TULP3: variants seen among roughly 807,000 people sequenced by gnomAD.
TULP3 encodes the protein tubby-related protein 3.
Under a neutral mutation model 50.7 loss-of-function variants are expected in TULP3, and 38 were observed. That is an observed-to-expected ratio of 0.75 (90% CI 0.58 to 0.98). The LOEUF (loss-of-function observed/expected upper bound fraction) is 0.98, where lower values mean the gene tolerates loss of function less well. Among genes scored for constraint, TULP3 ranks in the 50% least tolerant of loss-of-function variants. The probability of loss-of-function intolerance (pLI) is 0.00; values close to 1 mark genes in which losing one functional copy is unlikely to be tolerated. For missense variants in TULP3, 550 were observed against 568.0 expected (o/e 0.97, Z 0.32); for synonymous variants, 183 against 196.6 (o/e 0.93, Z 0.58).
At chr12:2,902,692 G>T (rs2098179918) in intron 1 of TULP3, among the ~76,000 whole-genome samples, 1 of 152,182 alleles carries the variant, frequency 6.6e-6, no homozygotes, top group Admixed American at 6.5e-5. Flanking sequence ...GTACTTGGCA[G>T]TGTGGTCTGT....
intron 2 of TULP3, among the ~76,000 whole-genome samples, chr12:2,914,599 A>G (rs1413323767): frequency 6.6e-6 from 1 of 152,166 alleles, no homozygotes; most frequent in Non-Finnish European, 1.5e-5. Flanking sequence ...CCTGTTGAGT[A>G]TATCTTGCTT....
intron 2 of TULP3, among the ~76,000 whole-genome samples, chr12:2,916,153 G>A (rs1012254181): frequency 1.3e-5 from 2 of 152,132 alleles, no homozygotes; most frequent in Non-Finnish European, 2.9e-5. Flanking sequence ...GGATTTACAG[G>A]CTTGTGCCAC....
chr12:2,895,280 T>C (rs2098174842), intron 1 of TULP3, among the ~76,000 whole-genome samples: 1 of 152,172 alleles, frequency 6.6e-6, no homozygotes, highest in Non-Finnish European at 1.5e-5. Flanking sequence ...CCTGCTCTGA[T>C]TGTGTCTCTA....
chr12:2,928,661 G>A (rs573739169), intron 4 of TULP3, among the ~76,000 whole-genome samples: 8 of 152,032 alleles, frequency 5.3e-5, no homozygotes, highest in African/African-American at 1.4e-4. Context: ...TACCAGTGTT[G>A]GCCTGGCATG....
intron 1 of TULP3, among the ~76,000 whole-genome samples, chr12:2,896,350 C>G (rs1023722923): frequency 1.3e-5 from 2 of 152,340 alleles, no homozygotes; most frequent in Non-Finnish European, 2.9e-5. Flanking sequence ...AATCCATTCA[C>G]TGGCTTGGAA....
At chr12:2,917,832 G>A (rs1047743058) in intron 2 of TULP3, among the ~76,000 whole-genome samples, 3 of 151,496 alleles carry the variant, frequency 2.0e-5, no homozygotes, top group African/African-American at 4.9e-5. Flanking sequence ...AGCCGAGATC[G>A]CGCCACTGCA....
intron 7 of TULP3, 45 bp from the exon 8 acceptor site, chr12:2,934,402 A>AG (rs758608691): frequency 7.6e-7 from 1 of 1,308,650 alleles, no homozygotes; most frequent in Non-Finnish European, 1.0e-6. Flanking sequence ...TTTGTATAAG[A>AG]AAAAAAATAC....
intron 4 of TULP3, among the ~76,000 whole-genome samples, chr12:2,922,858 T>TC: frequency 6.7e-6 from 1 of 150,308 alleles, no homozygotes; most frequent in East Asian, 2.0e-4. Flanking sequence ...AAAAATAATT[T>TC]TTTTTTTTTT....
At chr12:2,915,928 G>A (rs1304545885) in intron 2 of TULP3, among the ~76,000 whole-genome samples, 1 of 152,190 alleles carries the variant, frequency 6.6e-6, no homozygotes, top group Non-Finnish European at 1.5e-5. Flanking sequence ...TTGGAAAACT[G>A]TCATAGTGTA....
chr12:2,937,909 G>A (rs1024867206), intron 9 of TULP3, among the ~76,000 whole-genome samples, 180 bp downstream of exon 9: 2 of 152,068 alleles, frequency 1.3e-5, no homozygotes, highest in African/African-American at 4.8e-5. Flanking sequence ...CAGTTGCAGA[G>A]TCATTGCCTT....
chr12:2,930,409 T>G, intron 5 of TULP3, 64 bp downstream of exon 5: 3 of 991,190 alleles, frequency 3.0e-6, no homozygotes, highest in Non-Finnish European at 4.4e-6. Flanking sequence ...ATATCTTCAG[T>G]ATTTATTTAT....
intron 4 of TULP3, among the ~76,000 whole-genome samples, chr12:2,927,914 C>G (rs538335733): frequency 1.6e-4 from 24 of 152,268 alleles, no homozygotes; most frequent in African/African-American, 2.2e-4. Context: ...CTTGCTCTGC[C>G]TCTTTCTCTT....
chr12:2,892,713 T>A (rs2098172884), intron 1 of TULP3, among the ~76,000 whole-genome samples: 2 of 152,068 alleles, frequency 1.3e-5, no homozygotes, highest in Admixed American at 1.3e-4. Context: ...GGCTTCACCA[T>A]GTTGGCCAAG....
intron 7 of TULP3, among the ~76,000 whole-genome samples, chr12:2,933,806 C>T (rs951378077): frequency 3.3e-5 from 5 of 152,010 alleles, no homozygotes; most frequent in Admixed American, 2.6e-4. Context: ...CAAAAATCAG[C>T]CAGGTGTGGT....
chr12:2,934,817 T>C lies in TULP3; in HGVS notation c.924+256T>C, dbSNP rs966808943. On this transcript the variant is annotated intron_variant, in intron 8 of 10. Transcript: ENST00000448120. The stretch of plus-strand genomic sequence containing the variant: ...GCCACTTAATTCAGACCTTTACTTC[T>C]TACCCAGTGGCCAAAGGTTACAATA... 7.9e-5 allele frequency among the ~76,000 whole-genome samples: 12 copies of C among 152,184 alleles called. 1 individual carries two copies. The highest frequency in any genetic ancestry group is 2.9e-4 in the African/African-American group (12 of 41,438).
intron 4 of TULP3, among the ~76,000 whole-genome samples, chr12:2,929,134 C>T (rs1487558284): frequency 2.0e-5 from 3 of 151,376 alleles, no homozygotes; most frequent in Non-Finnish European, 2.9e-5. Flanking sequence ...CTGGCTGACA[C>T]GGTGAAACCC....
At chr12:2,891,750 A>G (rs2098172206) in intron 1 of TULP3, among the ~76,000 whole-genome samples, 1 of 152,114 alleles carries the variant, frequency 6.6e-6, no homozygotes, top group Admixed American at 6.6e-5. Flanking sequence ...TTTTTATTCC[A>G]TTACCAAGAC....
intron 4 of TULP3, among the ~76,000 whole-genome samples, chr12:2,929,282 G>A (rs1009521189): frequency 2.2e-4 from 33 of 151,474 alleles, no homozygotes; most frequent in Middle Eastern, 6.9e-3. Context: ...GCGCCACTGC[G>A]CTCCAGCCTG....
chr12:2,913,912 G>C (rs1023428384), intron 2 of TULP3, among the ~76,000 whole-genome samples: 1 of 151,690 alleles, frequency 6.6e-6, no homozygotes, highest in Non-Finnish European at 1.5e-5. Context: ...CCCGGCCTCT[G>C]TGGTTTACTT....
Sources: gnomAD v4.1 joint callset for allele counts (sites outside exome capture counted in the v4.1 genomes callset) on GRCh38, gnomAD v4.1.1 for gene constraint, MANE v1.5 for transcripts, NCBI Gene and HGNC (gene_info 2026-07-23, HGNC 2026-07-21) for gene names.